L3MBTL4: variants seen among roughly 807,000 people sequenced by gnomAD.
L3MBTL4 encodes the protein L3MBTL histone methyl-lysine binding protein 4.
Under a neutral mutation model 84.5 loss-of-function variants are expected in L3MBTL4, and 70 were observed. That is an observed-to-expected ratio of 0.83 (90% confidence interval 0.68 to 1.01). The LOEUF is 1.01. Among genes scored for constraint, L3MBTL4 ranks in the 50% least tolerant of loss-of-function variants. L3MBTL4 has a pLI of 0.00. For missense variants in L3MBTL4, 715 were observed against 754.8 expected (o/e 0.95, Z 0.62); for synonymous variants, 274 against 259.8 (o/e 1.05, Z -0.52).
intron 16 of L3MBTL4, among the ~76,000 whole-genome samples, chr18:6,058,635 T>G (rs2057104205): frequency 6.6e-6 from 1 of 152,160 alleles, no homozygotes; most frequent in African/African-American, 2.4e-5. Context: ...GACATTTCCC[T>G]TTAGCACTGC....
At chr18:5,984,403 C>A (rs1467595389) in intron 16 of L3MBTL4, among the ~76,000 whole-genome samples, 1 of 151,984 alleles carries the variant, frequency 6.6e-6, no homozygotes, top group Non-Finnish European at 1.5e-5. Flanking sequence ...TTTCATATAC[C>A]ACAGAAAAAT....
chr18:6,000,297 A>G (rs2054157683), intron 16 of L3MBTL4, among the ~76,000 whole-genome samples: 1 of 152,194 alleles, frequency 6.6e-6, no homozygotes, highest in Non-Finnish European at 1.5e-5. Flanking sequence ...AATTATCTCT[A>G]GGAAGGAAGA....
chr18:5,999,468 G>C (rs1337657445), intron 16 of L3MBTL4, among the ~76,000 whole-genome samples: 1 of 152,182 alleles, frequency 6.6e-6, no homozygotes, highest in Non-Finnish European at 1.5e-5. Flanking sequence ...ACCTTCCTCA[G>C]AGTGTGCTGT....
chr18:6,243,317 T>C lies in L3MBTL4; in HGVS notation c.437A>G (p.Lys146Arg). 6.3e-7 allele frequency: 1 copy of C among 1,598,450 alleles called. No individual in the cohort carries two copies. Among genetic ancestry groups the C allele is most frequent in the Non-Finnish European group, 8.5e-7 (1 of 1,173,420 alleles). ...ACCCTTAGGGATGTGCAGTTCATGTTTGGTCTTTTCACACCATCCTACTGG... is the reference window on the plus strand; with the variant it reads ...ACCCTTAGGGATGTGCAGTTCATGTCTGGTCTTTTCACACCATCCTACTGG... ...IHPVGWCEKT[K>R]HELHIPKGYR... is the part of the protein sequence containing the mutation. Residue 146 changes from lysine (K) to arginine (R), a missense_variant, in exon 7 of 19, where the codon AAA (lysine) becomes AGA (arginine). Lys to Arg is a conservative substitution (Grantham distance 26, BLOSUM62 2). Coordinates refer to ENST00000317931, the MANE Select transcript of L3MBTL4 (RefSeq NM_001330559.2).
At chr18:6,347,363 CATA>C (rs1241433778) in intron 1 of L3MBTL4, among the ~76,000 whole-genome samples, 1 of 151,564 alleles carries the variant, frequency 6.6e-6, no homozygotes, top group Non-Finnish European at 1.5e-5. Context: ...AGAAGAAAAA[CATA>C]ATAATAATTT....
chr18:6,152,502 T>C (rs2042939631), intron 13 of L3MBTL4, among the ~76,000 whole-genome samples: 1 of 152,224 alleles, frequency 6.6e-6, no homozygotes, highest in Non-Finnish European at 1.5e-5. Context: ...TGAGCACCTT[T>C]TCATACAGCT....
intron 3 of L3MBTL4, among the ~76,000 whole-genome samples, chr18:6,304,644 T>C (rs1222572728): frequency 6.6e-6 from 1 of 152,208 alleles, no homozygotes; most frequent in Non-Finnish European, 1.5e-5. Context: ...AGTCACGCAA[T>C]CATATCTACC....
intron 16 of L3MBTL4, among the ~76,000 whole-genome samples, chr18:6,078,268 C>T (rs1678496915): frequency 6.6e-6 from 1 of 150,860 alleles, no homozygotes; most frequent in African/African-American, 2.4e-5. Context: ...CTCTGCTAAA[C>T]TACAAAAAGT....
At chr18:6,115,636 C>T (rs186030146) in intron 14 of L3MBTL4, among the ~76,000 whole-genome samples, 5 of 152,082 alleles carry the variant, frequency 3.3e-5, no homozygotes, top group African/African-American at 9.7e-5. Context: ...TATCAGAAGC[C>T]GAGCACATTT....
At chr18:6,156,730 A>C (rs1235045286) in intron 13 of L3MBTL4, among the ~76,000 whole-genome samples, 2 of 152,208 alleles carry the variant, frequency 1.3e-5, no homozygotes, top group South Asian at 2.1e-4. Flanking sequence ...GAGTTGTTTC[A>C]TCCATTTTAG....
At position 5,962,456 on chromosome 18, in the gene L3MBTL4, G is replaced by A. The variant is rs1177244657; in HGVS notation, c.1615-2300C>T. 2.0e-5 allele frequency among the ~76,000 whole-genome samples: 3 copies of A among 152,098 alleles called. No individual in the cohort carries two copies. The East Asian group carries it at 5.8e-4, about 29-fold the overall frequency. On this transcript the variant is annotated intron_variant, in intron 17 of 18. Coordinates refer to ENST00000317931, the MANE Select transcript of L3MBTL4 (RefSeq NM_001330559.2). ...CTGAGGAGTAGACAGGGAGTGGCGG[G>A]AAGAGGGAGGGCCACGTGGTTCCAG...
intron 15 of L3MBTL4, among the ~76,000 whole-genome samples, chr18:6,085,021 C>A (rs16949390): frequency 4.3e-4 from 65 of 152,116 alleles, no homozygotes; most frequent in Non-Finnish European, 5.9e-5. Flanking sequence ...TTTGGATATG[C>A]GAATTTATTT....
chr18:6,058,518 C>G (rs913330541), intron 16 of L3MBTL4, among the ~76,000 whole-genome samples: 3 of 151,750 alleles, frequency 2.0e-5, no homozygotes, highest in African/African-American at 7.3e-5. Context: ...TACCCATAAT[C>G]AAGAGAAAAA....
At chr18:6,112,877 A>C (rs1169058333) in intron 14 of L3MBTL4, among the ~76,000 whole-genome samples, 2 of 152,210 alleles carry the variant, frequency 1.3e-5, no homozygotes, top group African/African-American at 4.8e-5. Flanking sequence ...TTTAAGATGC[A>C]TGATTGATAC....
At chr18:6,212,520 A>G (rs2046152574) in intron 12 of L3MBTL4, among the ~76,000 whole-genome samples, 1 of 152,218 alleles carries the variant, frequency 6.6e-6, no homozygotes, top group African/African-American at 2.4e-5. Context: ...TGAGAAAAAT[A>G]CAGTATAGAA....
intron 1 of L3MBTL4, among the ~76,000 whole-genome samples, chr18:6,350,287 A>G (rs2601552): frequency 0.28 from 41,847 of 152,056 alleles, 7,579 homozygotes; most frequent in African/African-American, 0.52. Context: ...TGCATAAGAG[A>G]ACAATACCAA....
chr18:5,995,624 G>A (rs866700968), intron 16 of L3MBTL4, among the ~76,000 whole-genome samples: 29 of 152,264 alleles, frequency 1.9e-4, no homozygotes, highest in Middle Eastern at 3.4e-3. Flanking sequence ...ATGAGCCTTC[G>A]CACTTCTGGA....
intron 1 of L3MBTL4, among the ~76,000 whole-genome samples, chr18:6,370,270 G>C (rs1056648800): frequency 3.9e-5 from 6 of 152,128 alleles, no homozygotes; most frequent in African/African-American, 1.4e-4. Flanking sequence ...GCCTAGCAGA[G>C]AGCAGGCATA....
chr18:6,139,800 T>A (rs2060139838), intron 13 of L3MBTL4, among the ~76,000 whole-genome samples: 1 of 152,114 alleles, frequency 6.6e-6, no homozygotes, highest in Non-Finnish European at 1.5e-5. Flanking sequence ...TCAGGGACCG[T>A]CTTCCTCTCT....
Sources: allele counts gnomAD v4.1 joint callset (sites outside exome capture counted in the v4.1 genomes callset), GRCh38; gene constraint gnomAD v4.1.1; transcripts MANE v1.5; gene names NCBI Gene and HGNC (gene_info 2026-07-23, HGNC 2026-07-21).